The following PCDHA12 variants were observed in gnomAD, a reference collection of about 807,000 sequenced individuals.
PCDHA12 encodes the protein protocadherin alpha-12.
PCDHA12 carries 44 observed loss-of-function variants against 60.0 expected under a neutral mutation model. The ratio of observed to expected loss-of-function variants is 0.73; its 90% CI spans 0.58 to 0.94. The LOEUF (loss-of-function observed/expected upper bound fraction) is 0.94, where lower values mean the gene tolerates loss of function less well. Ranked by LOEUF, PCDHA12 falls within the 40% of genes least tolerant of loss-of-function variation. The pLI is 0.00. For synonymous variants in PCDHA12, 569 were observed against 553.0 expected, an observed-to-expected ratio of 1.03 and a Z score of -0.40; for missense variants, 1,276 against 1,239.7, an observed-to-expected ratio of 1.03 and a Z score of -0.44.
intron 1 of PCDHA12, chr5:140,926,762 C>T: frequency 7.5e-7 from 1 of 1,326,672 alleles, no homozygotes; most frequent in Non-Finnish European, 9.8e-7. Context: ...CGCTGAGTAT[C>T]CAGCCCGCAG....
intron 1 of PCDHA12, among the ~76,000 whole-genome samples, chr5:140,893,013 CCTGACTTATTTCA>C (rs2063781212): frequency 6.6e-6 from 1 of 152,170 alleles, no homozygotes; most frequent in African/African-American, 2.4e-5. Context: ...TTTTTCTGTG[CCTGACTTATTTCA>C]CTTAACATAT....
chr5:140,954,405 G>T (rs246023), intron 1 of PCDHA12, among the ~76,000 whole-genome samples: 85,299 of 151,648 alleles, frequency 0.56, 24,568 homozygotes, highest in African/African-American at 0.69. Context: ...CCACCAACAG[G>T]GTAAAGGTGT....
intron 1 of PCDHA12, chr5:140,968,969 A>G (rs1554231287): frequency 1.9e-6 from 3 of 1,614,230 alleles, no homozygotes; most frequent in Non-Finnish European, 2.5e-6. Context: ...CTACCGCTAC[A>G]CTGCGTATGG....
At chr5:140,924,187 G>A (rs1238020963) in intron 1 of PCDHA12, among the ~76,000 whole-genome samples, 1 of 152,220 alleles carries the variant, frequency 6.6e-6, no homozygotes, top group Non-Finnish European at 1.5e-5. Flanking sequence ...CAGAAAATTA[G>A]TTTTGGTTTA....
chr5:140,927,322 A>T (rs782465180), intron 1 of PCDHA12: 1 of 1,613,780 alleles, frequency 6.2e-7, no homozygotes, highest in Non-Finnish European at 8.5e-7. Flanking sequence ...AGCCCGCTTT[A>T]CTCTCCCGAA....
intron 1 of PCDHA12, chr5:140,883,600 G>A (rs2059695358): frequency 6.2e-7 from 1 of 1,613,890 alleles, no homozygotes; most frequent in Non-Finnish European, 8.5e-7. Flanking sequence ...TGTCGGTGGG[G>A]GTGGCCGACG....
In PCDHA12 at chr5:141,007,955, C is replaced by T. The variant is rs192197811; in HGVS notation, c.2516-1672C>T. ...CTAAGCCACCTTTTTGAGAACTGCT[C>T]ATTCTCTGGGTGTCTGTCATGTATA... On this transcript the variant is annotated intron_variant, in intron 3 of 3. Transcript: ENST00000398631. 2.6e-5 allele frequency among the ~76,000 whole-genome samples: 4 copies of T among 152,294 alleles called. No homozygotes were observed. In the East Asian group the frequency reaches 7.7e-4, roughly 29 times the overall value.
intron 1 of PCDHA12, chr5:140,883,393 C>T (rs781845683): frequency 1.2e-6 from 2 of 1,614,160 alleles, no homozygotes; most frequent in South Asian, 2.2e-5. Flanking sequence ...TCAGTGTGTC[C>T]GATCGTGACT....
intron 1 of PCDHA12, among the ~76,000 whole-genome samples, chr5:140,957,658 G>T (rs2095373813): frequency 6.6e-6 from 1 of 151,932 alleles, no homozygotes; most frequent in Non-Finnish European, 1.5e-5. Flanking sequence ...TTCAATCATG[G>T]AGTAAAAATT....
intron 1 of PCDHA12, chr5:140,930,385 C>T (rs1335168502): frequency 6.6e-6 from 1 of 151,798 alleles, no homozygotes; most frequent in Non-Finnish European, 1.5e-5. Flanking sequence ...CTTGGCATTT[C>T]AAAACTTCTT....
At chr5:140,971,632 A>G (rs1228797401) in intron 1 of PCDHA12, among the ~76,000 whole-genome samples, 2 of 152,158 alleles carry the variant, frequency 1.3e-5, no homozygotes, top group Admixed American at 6.5e-5. Context: ...AATTAGTACC[A>G]TGTGCCTACA....
intron 1 of PCDHA12, among the ~76,000 whole-genome samples, chr5:140,911,105 G>A (rs960375597): frequency 3.2e-4 from 48 of 152,082 alleles, no homozygotes; most frequent in African/African-American, 1.2e-3. Flanking sequence ...CTGCCTCAGG[G>A]GAAGCCATCA....
intron 1 of PCDHA12, chr5:140,881,332 C>G (rs923599590): frequency 1.0e-6 from 1 of 984,540 alleles, no homozygotes; most frequent in East Asian, 1.1e-4. Context: ...TTAACCAGGA[C>G]GCCGATTCGG....
At chr5:140,966,543 A>T (rs200134570) in intron 1 of PCDHA12, 4 of 461,074 alleles carry the variant, frequency 8.7e-6, no homozygotes, top group Non-Finnish European at 1.5e-5. Context: ...AGCGACTCGG[A>T]GGCGAGCGGA....
intron 1 of PCDHA12, among the ~76,000 whole-genome samples, chr5:140,917,068 GAGTTTAATGTAAAGTTCCCC>G (rs1192645655): frequency 1.3e-5 from 2 of 152,066 alleles, no homozygotes; most frequent in Non-Finnish European, 2.9e-5. Context: ...CGACAGCACC[GAGTTTAATGTAAAGTTCCCC>G]AGTTGCTGTG....
In PCDHA12 at chr5:140,883,729, C is replaced by T. The variant is rs572170960; in HGVS notation, c.2367+5890C>T. 8 of 1,613,520 alleles carry T rather than the reference C, an allele frequency of 5.0e-6. No homozygotes were observed. In the African/African-American group the frequency reaches 8.0e-5, roughly 16 times the overall value. ...CTCAGGACGCGGACGCACAGGAGAA[C>T]GCGCTGGTCTCCTACTCGCTGGTGG... On this transcript the variant is annotated intron_variant, in intron 1 of 3. Coordinates refer to ENST00000398631, the MANE Select transcript of PCDHA12 (RefSeq NM_018903.4).
At chr5:140,957,871 G>C (rs1312915058) in intron 1 of PCDHA12, among the ~76,000 whole-genome samples, 1 of 151,864 alleles carries the variant, frequency 6.6e-6, no homozygotes, top group African/African-American at 2.4e-5. Flanking sequence ...CCTATTTTGT[G>C]CTGAAAAGCT....
In PCDHA12 at chr5:140,883,892, G is replaced by C; in HGVS notation, c.2367+6053G>C. ...CCAGGTGAGCGCGCGCGACTCTGGC[G>C]TGCCGCCTCTGGGCAGCAACGTGAC... On this transcript the variant is annotated intron_variant, in intron 1 of 3. Transcript: ENST00000398631. 4 of 1,613,362 alleles carry C rather than the reference G, an allele frequency of 2.5e-6. No homozygotes were observed. The South Asian group carries it at 4.4e-5, about 18-fold the overall frequency.
chr5:140,902,676 C>T (rs781793838), intron 1 of PCDHA12, among the ~76,000 whole-genome samples: 7 of 152,040 alleles, frequency 4.6e-5, no homozygotes, highest in Non-Finnish European at 7.4e-5. Context: ...CAGTGTACAC[C>T]GTACCTAATA....
Sources: allele counts gnomAD v4.1 joint callset (sites outside exome capture counted in the v4.1 genomes callset), GRCh38; gene constraint gnomAD v4.1.1; transcripts MANE v1.5; gene names NCBI Gene and HGNC (gene_info 2026-07-23, HGNC 2026-07-21).